Variants in ATP8B4 observed in about 807,000 individuals in gnomAD.
ATP8B4 encodes the protein probable phospholipid-transporting ATPase IM.
Under a neutral mutation model 145.6 loss-of-function variants are expected in ATP8B4, and 133 were observed. That is an observed-to-expected ratio of 0.91 (90% confidence interval 0.79 to 1.05). The LOEUF (loss-of-function observed/expected upper bound fraction) is 1.05. Among genes scored for constraint, ATP8B4 ranks in the 50% least tolerant of loss-of-function variants. The pLI is 0.00. For synonymous variants in ATP8B4, 507 were observed against 492.9 expected, an observed-to-expected ratio of 1.03 and a Z score of -0.38; for missense variants, 1,458 against 1,425.2, an observed-to-expected ratio of 1.02 and a Z score of -0.37.
intron 12 of ATP8B4, among the ~76,000 whole-genome samples, chr15:49,973,750 G>A (rs758525581): frequency 3.3e-5 from 5 of 152,118 alleles, no homozygotes; most frequent in Non-Finnish European, 5.9e-5. Flanking sequence ...AATGCTCAAC[G>A]TCATACATAA....
intron 14 of ATP8B4, among the ~76,000 whole-genome samples, chr15:49,958,849 T>C (rs539858691): frequency 6.6e-5 from 10 of 152,050 alleles, no homozygotes; most frequent in African/African-American, 2.2e-4. Context: ...CCACCTGAAA[T>C]AGCACCAGGT....
chr15:49,966,001 C>T (rs2413990), intron 13 of ATP8B4, among the ~76,000 whole-genome samples: 2,656 of 152,192 alleles, frequency 0.017, 83 homozygotes, highest in African/African-American at 0.061. Context: ...GTCACCTCAC[C>T]GGGGAAGTGC....
At chr15:50,120,356 G>A (rs1467086540), upstream of ATP8B4, among the ~76,000 whole-genome samples, 1 of 152,124 alleles carries the variant, frequency 6.6e-6, no homozygotes, top group Admixed American at 6.5e-5. Flanking sequence ...GCTTAGAGCA[G>A]GAAGCAATCA....
At chr15:50,011,845 A>G (rs974932221) in intron 6 of ATP8B4, among the ~76,000 whole-genome samples, 1 of 152,152 alleles carries the variant, frequency 6.6e-6, no homozygotes, top group South Asian at 2.1e-4. Context: ...GGATGAGTAG[A>G]GCAGGTTTGC....
chr15:49,914,449 G>C (rs1436171717), intron 20 of ATP8B4, among the ~76,000 whole-genome samples: 4 of 152,042 alleles, frequency 2.6e-5, no homozygotes, highest in Non-Finnish European at 5.9e-5. Context: ...GACCTCAAAA[G>C]CACAGGCAAC....
At chr15:50,003,847 T>C (rs566644765) in intron 7 of ATP8B4, among the ~76,000 whole-genome samples, 58 of 152,232 alleles carry the variant, frequency 3.8e-4, no homozygotes, top group African/African-American at 1.1e-3. Context: ...ACTCACACCA[T>C]GGTAAACAAG....
intron 1 of ATP8B4, among the ~76,000 whole-genome samples, chr15:50,145,662 A>C (rs560793407): frequency 7.7e-4 from 117 of 152,220 alleles, no homozygotes; most frequent in African/African-American, 2.7e-3. Flanking sequence ...CACTCTCACC[A>C]TGTCTTTTTT....
At chr15:50,035,992 T>G (rs1273085186) in intron 6 of ATP8B4, among the ~76,000 whole-genome samples, 1 of 152,092 alleles carries the variant, frequency 6.6e-6, no homozygotes, top group Non-Finnish European at 1.5e-5. Context: ...CCAGATCCCC[T>G]CCAGCCATTT....
chr15:50,084,962 A>G (rs897387513), intron 2 of ATP8B4, among the ~76,000 whole-genome samples: 1 of 152,172 alleles, frequency 6.6e-6, no homozygotes, highest in Non-Finnish European at 1.5e-5. Context: ...TTTGCCTTGT[A>G]AGGTAATGTA....
chr15:50,083,389 G>T (rs1567325090), intron 2 of ATP8B4, among the ~76,000 whole-genome samples: 1 of 151,918 alleles, frequency 6.6e-6, no homozygotes, highest in Non-Finnish European at 1.5e-5. Context: ...GGACCATACA[G>T]AATGCTTTCT....
rs1258210170 is a variant in ATP8B4, at chr15:49,934,109, A to T, written c.1361T>A (p.Met454Lys). 6.2e-7 allele frequency: 1 copy of T among 1,612,866 alleles called. No homozygotes were observed. Among genetic ancestry groups the T allele is most frequent in the South Asian group, 1.1e-5 (1 of 91,000 alleles). Reference sequence around the variant, plus strand: ...GGGATCACCCATTTTAATGGATTCCATCAGATGGTGGTCAAAGAACTGAAA... The same window carrying T: ...GGGATCACCCATTTTAATGGATTCCTTCAGATGGTGGTCAAAGAACTGAAA... Reference protein sequence around the residue: ...REFQFFDHHLMESIKMGDPKV... With the variant: ...REFQFFDHHLKESIKMGDPKV... The change falls in exon 15 of 28, where the codon ATG (methionine) becomes AAG (lysine). Residue 454 changes from methionine (M) to lysine (K), a missense_variant. Physicochemically the swap from Met to Lys is moderately conservative, Grantham distance 95. Coordinates refer to ENST00000284509, the MANE Select transcript of ATP8B4 (RefSeq NM_024837.4).
At chr15:49,892,835 G>C (rs1311748914) in intron 23 of ATP8B4, among the ~76,000 whole-genome samples, 1 of 152,186 alleles carries the variant, frequency 6.6e-6, no homozygotes, top group Admixed American at 6.5e-5. Context: ...GGGCAACAAA[G>C]AGCTACATCC....
chr15:50,172,405 A>G (rs1175077694), intron 1 of ATP8B4, among the ~76,000 whole-genome samples: 1 of 152,224 alleles, frequency 6.6e-6, no homozygotes, highest in African/African-American at 2.4e-5. Flanking sequence ...CGGCCTCCGG[A>G]GGTGCCGGGA....
At chr15:50,045,792 T>C (rs985943504) in intron 4 of ATP8B4, among the ~76,000 whole-genome samples, 1 of 152,140 alleles carries the variant, frequency 6.6e-6, no homozygotes, top group African/African-American at 2.4e-5. Context: ...AGTTCCCTTC[T>C]AAATATAAAA....
chr15:50,127,396 C>T (rs1168812284), intron 1 of ATP8B4, among the ~76,000 whole-genome samples: 1 of 152,242 alleles, frequency 6.6e-6, no homozygotes, highest in Non-Finnish European at 1.5e-5. Context: ...CCTTCCTCTA[C>T]TGTGACTTGG....
chr15:50,036,362 C>T (rs1299214304), intron 6 of ATP8B4, among the ~76,000 whole-genome samples: 5 of 152,120 alleles, frequency 3.3e-5, no homozygotes, highest in Non-Finnish European at 2.9e-5. Context: ...GACGCTCGTG[C>T]GCCAGTTGGT....
chr15:49,974,207 C>T (rs924418316), intron 12 of ATP8B4, among the ~76,000 whole-genome samples: 3 of 151,552 alleles, frequency 2.0e-5, no homozygotes. Flanking sequence ...CTCAGCCTCC[C>T]GAGTAGCTGG....
chr15:49,945,772 A>C (rs2042512020), intron 14 of ATP8B4, among the ~76,000 whole-genome samples: 1 of 152,210 alleles, frequency 6.6e-6, no homozygotes, highest in Non-Finnish European at 1.5e-5. Flanking sequence ...ATGCAGAAAA[A>C]GCATTTGACA....
At chr15:49,953,342 C>T (rs968366412) in intron 14 of ATP8B4, among the ~76,000 whole-genome samples, 10 of 152,178 alleles carry the variant, frequency 6.6e-5, no homozygotes, top group African/African-American at 1.4e-4. Flanking sequence ...GCAGAGACTG[C>T]GGCCACCCCT....
Sources: gnomAD v4.1 joint callset for allele counts (sites outside exome capture counted in the v4.1 genomes callset) on GRCh38, gnomAD v4.1.1 for gene constraint, MANE v1.5 for transcripts, NCBI Gene and HGNC (gene_info 2026-07-23, HGNC 2026-07-21) for gene names.